Variants in PIWIL1 observed in about 807,000 individuals in gnomAD.
PIWIL1 encodes piwi like RNA-mediated gene silencing 1, also known as piwi-like protein 1.
A neutral mutation model predicts 114.4 loss-of-function variants in PIWIL1; 73 were observed. The observed-to-expected ratio is 0.64, with a 90% CI of 0.53 to 0.78. The LOEUF is 0.78. Ranked by LOEUF, PIWIL1 falls within the 30% of genes least tolerant of loss-of-function variation. The pLI, the probability that PIWIL1 is intolerant of heterozygous loss-of-function variation, is 0.00. For synonymous variants in PIWIL1, 375 were observed against 369.0 expected (o/e 1.02, Z -0.19); for missense variants, 723 against 1,063.1 (o/e 0.68, Z 4.45).
intron 18 of PIWIL1, among the ~76,000 whole-genome samples, chr12:130,365,612 C>G (rs549493184): frequency 6.6e-6 from 1 of 152,320 alleles, no homozygotes; most frequent in South Asian, 2.1e-4. Flanking sequence ...CTGATTTAGA[C>G]TGTTTGATGC....
chr12:130,354,196 G>A (rs2073297553), intron 9 of PIWIL1, among the ~76,000 whole-genome samples: 1 of 152,088 alleles, frequency 6.6e-6, no homozygotes, highest in African/African-American at 2.4e-5. Flanking sequence ...ATCATCCTAT[G>A]GTGAAGTTGC....
the PIWIL1 span, chr12:130,397,295 A>G: frequency 2.5e-6 from 1 of 398,184 alleles, no homozygotes; most frequent in East Asian, 3.6e-5. Flanking sequence ...TACTTGAGTC[A>G]TGAAAGCCCT....
the PIWIL1 span, chr12:130,383,360 G>A: frequency 1.3e-5 from 2 of 152,178 alleles, no homozygotes. Flanking sequence ...AGGAATCAGG[G>A]TCAGTGACTA....
chr12:130,385,250 C>T, the PIWIL1 span, among the ~76,000 whole-genome samples: 1 of 152,162 alleles, frequency 6.6e-6, no homozygotes, highest in Non-Finnish European at 1.5e-5. Flanking sequence ...TTTCTTAAAG[C>T]TTGTAATTGG....
At chr12:130,424,407 C>G in the PIWIL1 span, 5 of 1,232,758 alleles carry the variant, frequency 4.1e-6, no homozygotes, top group Non-Finnish European at 5.1e-6. This position sits in a 1 kb window ranked among gnomAD's most constrained non-coding sequence, Gnocchi z 9.8. Context: ...CAGCAGCGGC[C>G]TCGGGCCCCT....
the PIWIL1 span, among the ~76,000 whole-genome samples, chr12:130,393,206 G>A: frequency 1.5e-5 from 2 of 134,138 alleles, no homozygotes; most frequent in African/African-American, 6.3e-5. Flanking sequence ...TGATGACCCG[G>A]TCACCGTCAT....
chr12:130,363,287 G>C, intron 18 of PIWIL1, 143 bp downstream of exon 18: 1 of 815,026 alleles, frequency 1.2e-6, no homozygotes, highest in Admixed American at 2.6e-5. Flanking sequence ...GAAGGGCAGA[G>C]GGAAGTTTCT....
downstream of PIWIL1, among the ~76,000 whole-genome samples, chr12:130,374,449 C>G (rs2073851668): frequency 6.6e-6 from 1 of 152,094 alleles, no homozygotes; most frequent in African/African-American, 2.4e-5. Flanking sequence ...TTTAAAAATC[C>G]ATTGTGTACA....
chr12:130,345,769 T>C lies in PIWIL1; in HGVS notation c.207T>C (p.Ala69=), dbSNP rs1565941517. Residue 69 remains alanine (A), a synonymous_variant, in exon 4 of 21, where the codon GCT becomes GCC. Transcript: ENST00000245255. ...TTTTTTAAGGACTCCAGATATCTGC[T>C]GGATTTCAGGAGTTATCGTTAGCAG... is the stretch of plus-strand genomic sequence containing the variant. ...TAKSQGLQIS[A]GFQELSLAER... 1.9e-6 allele frequency: 3 copies of C among 1,613,940 alleles called. No individual in the cohort carries two copies. The highest frequency in any genetic ancestry group is 2.5e-6 in the Non-Finnish European group (3 of 1,179,866).
intron 7 of PIWIL1, 52 bp from the exon 8 acceptor site, chr12:130,349,187 A>G: frequency 7.3e-7 from 1 of 1,365,906 alleles, no homozygotes; most frequent in Non-Finnish European, 1.0e-6. Flanking sequence ...TAGTGTGTGC[A>G]GAATGTGTTG....
At chr12:130,408,127 C>G in the PIWIL1 span, among the ~76,000 whole-genome samples, 2 of 152,212 alleles carry the variant, frequency 1.3e-5, no homozygotes, top group Non-Finnish European at 2.9e-5. Flanking sequence ...ACGGGGCTCT[C>G]GAACAGCAAA....
chr12:130,406,210 T>G, the PIWIL1 span: 1 of 1,604,232 alleles, frequency 6.2e-7, no homozygotes. Context: ...CCAAAAACTG[T>G]AATAATATCT....
Position 130,343,013 on chromosome 12 carries a change from G to A in PIWIL1, c.102G>A (p.Gln34=). 2 of 1,614,090 alleles carry A rather than the reference G, an allele frequency of 1.2e-6. No individual in the cohort carries two copies. Among genetic ancestry groups the A allele is most frequent in the Non-Finnish European group, 1.7e-6 (2 of 1,179,944 alleles). The part of the protein sequence containing the change: ...STASQQPGYI[Q]PRPQPPPAEG... ...AGAGTCAGCAACCTGGTTATATTCA[G>A]CCTAGGCCTCAGCCGCCACCAGCAG... is the stretch of plus-strand genomic sequence containing the variant. Residue 34 remains glutamine (Q), a synonymous_variant, in exon 3 of 21, where the codon CAG becomes CAA. Coordinates refer to ENST00000245255, the MANE Select transcript of PIWIL1 (RefSeq NM_004764.5).
chr12:130,346,773 T>C (rs977211438), intron 5 of PIWIL1, among the ~76,000 whole-genome samples, 168 bp from the exon 6 acceptor site: 27 of 152,204 alleles, frequency 1.8e-4, no homozygotes, highest in East Asian at 7.7e-4. Flanking sequence ...ATGATTACAA[T>C]TGAGTTATAA....
chr12:130,397,755 G>A, the PIWIL1 span: 146 of 369,826 alleles, frequency 3.9e-4, 1 homozygote, highest in Middle Eastern at 8.4e-3. Flanking sequence ...TGTGGGTTCC[G>A]TTTCTCTGTC....
chr12:130,342,229 G>C lies in PIWIL1; in HGVS notation c.-12-351G>C, dbSNP rs150325159. The C allele has an allele frequency of 1.7e-5, 5 of 296,686 alleles. No individual in the cohort carries two copies. In the Admixed American group the frequency reaches 2.3e-4, roughly 14 times the overall value. The allele number at this position is 296,686 out of a possible 1,614,324, so 18.4% of individuals were successfully genotyped here. A position where few individuals can be genotyped will look rare whatever the true frequency, so the allele number is the denominator to read the frequency against. ...GTATGTGTTAAGTGTGTGTACATGT[G>C]TATCTCCAAATGGGAAAGAAAGAAC... On this transcript the variant is annotated intron_variant, in intron 1 of 20. Transcript: ENST00000245255.
At chr12:130,353,697 C>T (rs767601391) in intron 9 of PIWIL1, among the ~76,000 whole-genome samples, 17 of 152,190 alleles carry the variant, frequency 1.1e-4, no homozygotes, top group Admixed American at 3.3e-4. Context: ...GAGGCTAAGG[C>T]AGGCAGATCA....
intron 8 of PIWIL1, 113 bp downstream of exon 8, chr12:130,349,549 A>G: frequency 1.4e-6 from 1 of 720,640 alleles, no homozygotes; most frequent in Non-Finnish European, 2.3e-6. Flanking sequence ...GGAATAGCAC[A>G]AAACAAGGGT....
chr12:130,425,214 T>G, the PIWIL1 span: 1 of 192,600 alleles, frequency 5.2e-6, no homozygotes. Flanking sequence ...GTGGCCACGG[T>G]GCCAGGGGAG....
Sources: gnomAD v4.1 joint callset for allele counts (sites outside exome capture counted in the v4.1 genomes callset) on GRCh38, gnomAD v4.1.1 for gene constraint, Gnocchi (gnomAD v3.1) non-coding constraint, MANE v1.5 for transcripts, NCBI Gene and HGNC (gene_info 2026-07-23, HGNC 2026-07-21) for gene names.